Variants in GPM6A observed in about 807,000 individuals in gnomAD.
GPM6A encodes the protein neuronal membrane glycoprotein M6-a.
A neutral mutation model predicts 32.1 loss-of-function variants in GPM6A; 7 were observed. That is an observed-to-expected ratio of 0.22 (90% CI 0.12 to 0.41). The LOEUF is 0.41. GPM6A is among the 10% of genes least tolerant of loss of function. The pLI, the probability that GPM6A is intolerant of heterozygous loss-of-function variation, is 1.00. For missense variants in GPM6A, 235 were observed against 347.2 expected (o/e 0.68, Z 2.57); for synonymous variants, 130 against 123.4 (o/e 1.05, Z -0.35).
At chr4:175,954,367 A>G (rs1196459951) in intron 1 of GPM6A, among the ~76,000 whole-genome samples, 2 of 152,180 alleles carry the variant, frequency 1.3e-5, no homozygotes, top group African/African-American at 4.8e-5. Context: ...GCTAGGTTGT[A>G]TCAGTGCGAA....
At chr4:175,654,617 G>C (rs75060455) in intron 3 of GPM6A, among the ~76,000 whole-genome samples, 2,575 of 151,998 alleles carry the variant, frequency 0.017, 34 homozygotes, top group Middle Eastern at 0.031. Flanking sequence ...AAAGAATGAT[G>C]AGTTCTTGAG....
intron 1 of GPM6A, among the ~76,000 whole-genome samples, chr4:175,758,704 G>A (rs1285149581): frequency 6.6e-6 from 1 of 152,032 alleles, no homozygotes; most frequent in African/African-American, 2.4e-5. Flanking sequence ...TGTAACAGTA[G>A]GAAAGTCCTA....
intron 1 of GPM6A, among the ~76,000 whole-genome samples, chr4:175,727,097 A>G (rs1012155983): frequency 6.6e-6 from 1 of 152,242 alleles, no homozygotes; most frequent in Non-Finnish European, 1.5e-5. Flanking sequence ...CAAATTGAAA[A>G]TGGTCAAATT....
intron 1 of GPM6A, among the ~76,000 whole-genome samples, chr4:175,711,425 TA>T (rs1560889964): frequency 2.2e-5 from 1 of 45,332 alleles, no homozygotes; most frequent in Non-Finnish European, 5.0e-5. Flanking sequence ...TATATATATA[TA>T]TATATATATA....
chr4:175,751,339 A>G (rs1003829188), intron 1 of GPM6A, among the ~76,000 whole-genome samples: 2 of 152,172 alleles, frequency 1.3e-5, no homozygotes, highest in African/African-American at 4.8e-5. Flanking sequence ...GTCAATCAGT[A>G]AAATTATTTT....
At chr4:175,749,658 C>T (rs1035922179) in intron 1 of GPM6A, among the ~76,000 whole-genome samples, 9 of 152,112 alleles carry the variant, frequency 5.9e-5, no homozygotes, top group African/African-American at 2.2e-4. Context: ...TATCTTGACC[C>T]CCATAACCAC....
At chr4:175,660,147 C>T (rs1432878837) in intron 3 of GPM6A, among the ~76,000 whole-genome samples, 1 of 152,000 alleles carries the variant, frequency 6.6e-6, no homozygotes, top group Non-Finnish European at 1.5e-5. Flanking sequence ...CACCTGTAAT[C>T]CCAGCAATTT....
intron 1 of GPM6A, among the ~76,000 whole-genome samples, chr4:175,777,657 C>T (rs1021283989): frequency 2.0e-5 from 3 of 151,796 alleles, no homozygotes; most frequent in Non-Finnish European, 4.4e-5. Flanking sequence ...TAGAAAATAT[C>T]AAAACACACC....
At chr4:175,709,299 GTCTC>G (rs754041265) in intron 1 of GPM6A, among the ~76,000 whole-genome samples, 16 of 134,884 alleles carry the variant, frequency 1.2e-4, no homozygotes, top group Admixed American at 6.1e-4. Context: ...TTCTCTCTCT[GTCTC>G]TCTCTCTCTC....
chr4:175,855,363 G>A lies in GPM6A; in HGVS notation c.-22-43114C>T, dbSNP rs1044918790. Among the ~76,000 whole-genome samples the A allele has an allele frequency of 5.3e-5, 8 of 152,230 alleles. No individual in the cohort carries two copies. In the East Asian group the frequency reaches 1.5e-3, roughly 29 times the overall value. The stretch of plus-strand genomic sequence containing the variant: ...CTTATAAAACTTTATGACACAAACA[G>A]TACAACAAATGTATGCAAATAATAT... On this transcript the variant is annotated intron_variant, in intron 1 of 7. Transcript: ENST00000280187.
intron 1 of GPM6A, among the ~76,000 whole-genome samples, chr4:175,918,412 G>A (rs1274907468): frequency 6.6e-6 from 1 of 151,716 alleles, no homozygotes; most frequent in Non-Finnish European, 1.5e-5. Context: ...TTTAAGTAGG[G>A]AAAAGAAATG....
At chr4:175,686,186 G>A (rs892363866) in intron 2 of GPM6A, among the ~76,000 whole-genome samples, 1 of 152,136 alleles carries the variant, frequency 6.6e-6, no homozygotes, top group African/African-American at 2.4e-5. Context: ...TATTGCAAGA[G>A]CGAAAATGAA....
At chr4:175,752,137 T>C (rs1732359921) in intron 1 of GPM6A, among the ~76,000 whole-genome samples, 1 of 152,198 alleles carries the variant, frequency 6.6e-6, no homozygotes, top group African/African-American at 2.4e-5. Context: ...CTGGTCTACC[T>C]AGTAATTTTA....
chr4:175,832,686 A>G (rs1735651863), intron 1 of GPM6A, among the ~76,000 whole-genome samples: 1 of 152,148 alleles, frequency 6.6e-6, no homozygotes, highest in African/African-American at 2.4e-5. Context: ...CTTGATCTCT[A>G]TTTTCTAATT....
At chr4:175,722,046 A>T (rs182562541) in intron 1 of GPM6A, among the ~76,000 whole-genome samples, 42 of 152,104 alleles carry the variant, frequency 2.8e-4, no homozygotes, top group Admixed American at 2.0e-3. Context: ...TAGAACTTTG[A>T]GAGGCTGAGG....
chr4:175,721,824 A>T (rs1427402990), intron 1 of GPM6A, among the ~76,000 whole-genome samples: 2 of 152,188 alleles, frequency 1.3e-5, no homozygotes, highest in Admixed American at 6.5e-5. Context: ...CCAACATCTG[A>T]TAATATTCAT....
At chr4:175,713,381 C>G (rs917344649) in intron 1 of GPM6A, among the ~76,000 whole-genome samples, 6 of 151,842 alleles carry the variant, frequency 4.0e-5, no homozygotes, top group Non-Finnish European at 7.4e-5. Flanking sequence ...TTAGTAGAGA[C>G]GGGGTTTCAT....
intron 1 of GPM6A, among the ~76,000 whole-genome samples, chr4:175,927,218 G>A (rs1354131783): frequency 2.0e-5 from 3 of 152,204 alleles, no homozygotes; most frequent in Non-Finnish European, 2.9e-5. Flanking sequence ...GAAGGACACG[G>A]CTTTGAGAAA....
chr4:175,889,329 G>C (rs1386700707), intron 1 of GPM6A, among the ~76,000 whole-genome samples: 1 of 152,004 alleles, frequency 6.6e-6, no homozygotes, highest in African/African-American at 2.4e-5. Context: ...CATAAAACTA[G>C]ACTGAGCAAT....
Sources: allele counts gnomAD v4.1 joint callset (sites outside exome capture counted in the v4.1 genomes callset), GRCh38; gene constraint gnomAD v4.1.1; transcripts MANE v1.5; gene names NCBI Gene and HGNC (gene_info 2026-07-23, HGNC 2026-07-21).